The following ADGRG6 variants were observed in gnomAD, a reference collection of about 807,000 sequenced individuals.
ADGRG6 encodes the protein adhesion G protein-coupled receptor G6, also known as G-protein coupled receptor 126.
A neutral mutation model predicts 142.4 loss-of-function variants in ADGRG6; 84 were observed. The ratio of observed to expected loss-of-function variants is 0.59; its 90% confidence interval spans 0.49 to 0.71. ADGRG6 has a LOEUF of 0.71. ADGRG6 is among the 30% of genes least tolerant of loss of function. The pLI is 0.00. For missense variants in ADGRG6, 1,367 were observed against 1,466.6 expected, an observed-to-expected ratio of 0.93 and a Z score of 1.11; for synonymous variants, 521 against 520.5, an observed-to-expected ratio of 1.00 and a Z score of -0.01.
chr6:142,371,546 T>C (rs1359992860), intron 4 of ADGRG6, among the ~76,000 whole-genome samples: 1 of 148,580 alleles, frequency 6.7e-6, no homozygotes, highest in Non-Finnish European at 1.5e-5. Flanking sequence ...TGCAGTGTCA[T>C]GAGATCTCAG....
At chr6:142,368,843 G>C (rs67116010) in intron 3 of ADGRG6, among the ~76,000 whole-genome samples, 3 of 151,950 alleles carry the variant, frequency 2.0e-5, no homozygotes, top group South Asian at 4.1e-4. Context: ...AACAAAAAAA[G>C]CAAATTAGAA....
chr6:142,400,752 A>T, intron 11 of ADGRG6, 156 bp downstream of exon 11: 1 of 559,668 alleles, frequency 1.8e-6, no homozygotes, highest in East Asian at 2.9e-5. Context: ...GGGAATAAAG[A>T]TAACATAAGT....
intron 22 of ADGRG6, among the ~76,000 whole-genome samples, chr6:142,435,859 C>G (rs1413175406): frequency 6.6e-6 from 1 of 152,150 alleles, no homozygotes; most frequent in Non-Finnish European, 1.5e-5. Context: ...CTGAGGGCCT[C>G]TCTGAGGAGT....
chr6:142,308,367 G>T (rs538587701), intron 1 of ADGRG6, among the ~76,000 whole-genome samples: 1 of 152,038 alleles, frequency 6.6e-6, no homozygotes, highest in Non-Finnish European at 1.5e-5. Context: ...TATTCTCTTG[G>T]CTATGAGATG....
chr6:142,333,042 C>G (rs1779137998), intron 2 of ADGRG6, among the ~76,000 whole-genome samples: 2 of 152,168 alleles, frequency 1.3e-5, no homozygotes, highest in African/African-American at 4.8e-5. Context: ...GAGATGGTCA[C>G]AGGTTTCCAT....
At chr6:142,324,890 G>A (rs1170098562) in intron 2 of ADGRG6, among the ~76,000 whole-genome samples, 4 of 152,002 alleles carry the variant, frequency 2.6e-5, no homozygotes, top group African/African-American at 4.8e-5. Flanking sequence ...GTACTGCAAC[G>A]GGAATGAAGT....
In ADGRG6 at chr6:142,318,355, TA is replaced by T. The variant is rs1270691356; in HGVS notation, c.103+8712del. ...ATATTTATATTATATATTTATATAT[TA>T]TATAATATTTATATATATTTATATA... On this transcript the variant is annotated intron_variant, in intron 2 of 24. Transcript: ENST00000367609. Among the ~76,000 whole-genome samples, 4 of 97,130 alleles carry T rather than the reference TA, an allele frequency of 4.1e-5. 1 individual carries two copies. Among genetic ancestry groups the T allele is most frequent in the African/African-American group, 2.0e-4 (4 of 19,776 alleles). The allele number at this position is 97,130 out of a possible 152,430, so 63.7% of individuals were successfully genotyped here.
At chr6:142,304,293 T>C (rs1259157910) in intron 1 of ADGRG6, among the ~76,000 whole-genome samples, 2 of 152,306 alleles carry the variant, frequency 1.3e-5, no homozygotes, top group East Asian at 1.9e-4. Flanking sequence ...TGTATATTGT[T>C]ATACTCAGGT....
At chr6:142,421,501 T>C (rs1487242869) in intron 22 of ADGRG6, among the ~76,000 whole-genome samples, 4 of 152,178 alleles carry the variant, frequency 2.6e-5, no homozygotes, top group Non-Finnish European at 5.9e-5. Flanking sequence ...ATCTCTTCTA[T>C]AATATACAAC....
At chr6:142,427,457 C>T (rs1034826517) in intron 22 of ADGRG6, among the ~76,000 whole-genome samples, 6 of 152,260 alleles carry the variant, frequency 3.9e-5, no homozygotes, top group East Asian at 1.9e-4. Context: ...TCACTATCAA[C>T]GTTTTTATCA....
At chr6:142,341,178 C>T (rs1472154945) in intron 2 of ADGRG6, among the ~76,000 whole-genome samples, 2 of 150,540 alleles carry the variant, frequency 1.3e-5, no homozygotes, top group East Asian at 3.9e-4. Flanking sequence ...TGATGGGGAG[C>T]AGTAAATGAA....
At chr6:142,424,384 T>C in intron 22 of ADGRG6, among the ~76,000 whole-genome samples, 2 of 135,874 alleles carry the variant, frequency 1.5e-5, no homozygotes, top group African/African-American at 2.8e-5. Context: ...GCATGAAGGG[T>C]TGTTGAATTT....
At chr6:142,407,205 A>G (rs1257282913) in intron 15 of ADGRG6, among the ~76,000 whole-genome samples, 1 of 149,140 alleles carries the variant, frequency 6.7e-6, no homozygotes, top group Non-Finnish European at 1.5e-5. Context: ...GCATATGTTC[A>G]GTTTCTAAAG....
intron 2 of ADGRG6, among the ~76,000 whole-genome samples, chr6:142,352,498 A>T (rs1013902624): frequency 2.0e-5 from 3 of 152,108 alleles, no homozygotes; most frequent in Admixed American, 1.3e-4. Context: ...GTGGGTCCAG[A>T]GGCTGCCTCT....
intron 2 of ADGRG6, among the ~76,000 whole-genome samples, chr6:142,366,834 T>A (rs760084409): frequency 5.9e-5 from 9 of 152,040 alleles, no homozygotes; most frequent in Non-Finnish European, 1.0e-4. Flanking sequence ...TTTAGAATAG[T>A]GCTTGGCACA....
rs535602300 is a variant in ADGRG6, at chr6:142,305,966, G to A, written c.3-3578G>A. On this transcript the variant is annotated intron_variant, in intron 1 of 24. Coordinates refer to ENST00000367609, the MANE Select transcript of ADGRG6 (RefSeq NM_198569.3). ...ATCTTTAACCAAAAAAAAGAAAAAC[G>A]ATTATGAGCAGACTTGAATAAACCA... Among the ~76,000 whole-genome samples the A allele has an allele frequency of 2.0e-5, 3 of 152,150 alleles. No homozygotes were observed. The South Asian group carries it at 6.2e-4, about 32-fold the overall frequency.
At chr6:142,440,858 C>T (rs2115213139) in intron 24 of ADGRG6, 1 of 890,784 alleles carries the variant, frequency 1.1e-6, no homozygotes, top group East Asian at 2.8e-5. Flanking sequence ...GGATATCTAG[C>T]TGGTTCATTT....
At chr6:142,356,839 C>T (rs939549394) in intron 2 of ADGRG6, among the ~76,000 whole-genome samples, 9 of 152,184 alleles carry the variant, frequency 5.9e-5, no homozygotes, top group Non-Finnish European at 1.0e-4. Context: ...GCACGAATTA[C>T]TTCAAAAGGA....
intron 1 of ADGRG6, among the ~76,000 whole-genome samples, chr6:142,307,085 A>G (rs1777536814): frequency 6.6e-6 from 1 of 152,174 alleles, no homozygotes; most frequent in Admixed American, 6.5e-5. Flanking sequence ...GAAACCTTTT[A>G]TAGCAAAGAA....
Sources: allele counts gnomAD v4.1 joint callset (sites outside exome capture counted in the v4.1 genomes callset), GRCh38; gene constraint gnomAD v4.1.1; transcripts MANE v1.5; gene names NCBI Gene and HGNC (gene_info 2026-07-23, HGNC 2026-07-21).